COBLL1: variants seen among roughly 807,000 people sequenced by gnomAD.
COBLL1 encodes cordon-bleu WH2 repeat protein like 1.
Under a neutral mutation model 94.8 loss-of-function variants are expected in COBLL1, and 50 were observed. That is an observed-to-expected ratio of 0.53 (90% CI 0.42 to 0.67). The LOEUF (loss-of-function observed/expected upper bound fraction) is 0.67, where lower values mean the gene tolerates loss of function less well. Ranked by LOEUF, COBLL1 falls within the 30% of genes least tolerant of loss-of-function variation. COBLL1 has a pLI of 0.00. For synonymous variants in COBLL1, 448 were observed against 473.8 expected (o/e 0.95, Z 0.71); for missense variants, 1,362 against 1,348.7 (o/e 1.01, Z -0.15).
At chr2:164,742,093 C>G (rs908246894) in intron 3 of COBLL1, among the ~76,000 whole-genome samples, 5 of 151,810 alleles carry the variant, frequency 3.3e-5, no homozygotes, top group African/African-American at 1.2e-4. Flanking sequence ...AAAGTTAACT[C>G]GGGGTGGCAT....
chr2:164,717,911 G>T (rs1401130268), intron 7 of COBLL1, among the ~76,000 whole-genome samples: 1 of 152,084 alleles, frequency 6.6e-6, no homozygotes, highest in Non-Finnish European at 1.5e-5. Flanking sequence ...TATGCATTAT[G>T]CAATGTACAG....
chr2:164,671,714 C>A (rs1396445077), intron 1 of COBLL1, among the ~76,000 whole-genome samples: 1 of 151,606 alleles, frequency 6.6e-6, no homozygotes, highest in Non-Finnish European at 1.5e-5. Flanking sequence ...TACTGAAGCA[C>A]GTTATGAAGA....
At chr2:164,780,439 TC>T (rs1423181864) in intron 2 of COBLL1, among the ~76,000 whole-genome samples, 1 of 152,178 alleles carries the variant, frequency 6.6e-6, no homozygotes, top group Non-Finnish European at 1.5e-5. Context: ...AGACATATGT[TC>T]TTTTTTTTTA....
chr2:164,752,468 G>GA, intron 2 of COBLL1, among the ~76,000 whole-genome samples: 1 of 148,732 alleles, frequency 6.7e-6, no homozygotes, highest in South Asian at 2.1e-4. Context: ...TAGTGAAGGA[G>GA]AAAAAAATAT....
chr2:164,722,138 T>C lies in COBLL1; in HGVS notation c.933A>G (p.Ala311=), dbSNP rs1171465153. ...PASQSVPQDL[A]HIQERPASCI... ...AAGAAGCAGGCCTCTCCTGGATGTG[T>C]GCAAGGTCTTGGGGGACACTCTGAG... is the stretch of plus-strand genomic sequence containing the variant. Residue 311 remains alanine (A), a synonymous_variant, in exon 7 of 14, where the codon GCA becomes GCG. Transcript: ENST00000652658. The C allele has an allele frequency of 6.2e-7, 1 of 1,614,062 alleles. No individual in the cohort carries two copies. Among genetic ancestry groups the C allele is most frequent in the Non-Finnish European group, 8.5e-7 (1 of 1,179,966 alleles).
rs188406630 is a variant in COBLL1 at position 164,817,834 on chromosome 2, C to A, written c.41+23322G>T. ...GGCCTTGCCATAGGTAATATCATAT[C>A]ACTGGGCTATTTCTATCTCCCAATT... On this transcript the variant is annotated intron_variant, in intron 2 of 13. Coordinates refer to ENST00000652658, the MANE Select transcript of COBLL1 (RefSeq NM_001365672.2). Among the ~76,000 whole-genome samples the A allele has an allele frequency of 3.9e-5, 6 of 152,262 alleles. No homozygotes were observed. In the East Asian group the frequency reaches 1.2e-3, roughly 29 times the overall value.
chr2:164,702,360 GA>G lies in COBLL1; in HGVS notation c.1226-1605del, dbSNP rs573429226. 1.6e-3 allele frequency among the ~76,000 whole-genome samples: 239 copies of G among 151,634 alleles called. 1 individual carries two copies. Among genetic ancestry groups the G allele is most frequent in the African/African-American group, 5.7e-3 (234 of 41,354 alleles). ...GGGCGGATCACAAGGTCAGGAGATC[GA>G]GACCATCCTGGCCAACATAGTGAAA... On this transcript the variant is annotated intron_variant, in intron 9 of 13. Coordinates refer to ENST00000652658, the MANE Select transcript of COBLL1 (RefSeq NM_001365672.2).
At chr2:164,670,000 G>A (rs139659744) in intron 1 of COBLL1, among the ~76,000 whole-genome samples, 6 of 152,198 alleles carry the variant, frequency 3.9e-5, no homozygotes, top group East Asian at 1.9e-4. Flanking sequence ...TGTCATTGCC[G>A]CTCCTTGAAC....
intron 13 of COBLL1, among the ~76,000 whole-genome samples, chr2:164,690,037 T>A: frequency 6.6e-6 from 1 of 152,332 alleles, no homozygotes; most frequent in Non-Finnish European, 1.5e-5. Context: ...TTGATGGCTA[T>A]ATGACAGTCC....
At chr2:164,716,863 G>A (rs892742602) in intron 7 of COBLL1, among the ~76,000 whole-genome samples, 3 of 152,038 alleles carry the variant, frequency 2.0e-5, no homozygotes, top group Non-Finnish European at 4.4e-5. Context: ...ATTAAATATA[G>A]ACAGCCAAAA....
At chr2:164,804,832 G>A (rs913001476) in intron 2 of COBLL1, among the ~76,000 whole-genome samples, 1 of 152,046 alleles carries the variant, frequency 6.6e-6, no homozygotes, top group Non-Finnish European at 1.5e-5. Context: ...AGCTCAAATC[G>A]ACCTCTCCTC....
At chr2:164,760,946 G>A (rs890143876) in intron 2 of COBLL1, among the ~76,000 whole-genome samples, 11 of 152,174 alleles carry the variant, frequency 7.2e-5, no homozygotes, top group African/African-American at 2.6e-4. Flanking sequence ...TAAAGGCAAA[G>A]ATATTGGAAA....
At position 164,778,904 on chromosome 2, in the gene COBLL1, G is replaced by C. The variant is rs537124090; in HGVS notation, c.42-35029C>G. Among the ~76,000 whole-genome samples the C allele has an allele frequency of 2.6e-5, 4 of 152,230 alleles. No homozygotes were observed. The South Asian group carries it at 8.3e-4, about 32-fold the overall frequency. ...CGAGTCACAGGTTAACAAAAGGGGA[G>C]GGGGAAGACCAGGAGAAATCCCAGT... is the stretch of plus-strand genomic sequence containing the variant. On this transcript the variant is annotated intron_variant, in intron 2 of 13. Coordinates refer to ENST00000652658, the MANE Select transcript of COBLL1 (RefSeq NM_001365672.2).
chr2:164,709,659 G>C (rs2105468315), intron 7 of COBLL1, among the ~76,000 whole-genome samples: 1 of 152,222 alleles, frequency 6.6e-6, no homozygotes, highest in South Asian at 2.1e-4. Flanking sequence ...TGGAGGTGCA[G>C]TAAGCCAAGA....
At chr2:164,823,865 C>T (rs911725780) in intron 2 of COBLL1, among the ~76,000 whole-genome samples, 3 of 152,008 alleles carry the variant, frequency 2.0e-5, no homozygotes, top group African/African-American at 4.8e-5. Context: ...TTCACCCAAA[C>T]GGAAAACTTT....
At chr2:164,745,877 C>T (rs2105569042) in intron 2 of COBLL1, among the ~76,000 whole-genome samples, 1 of 152,154 alleles carries the variant, frequency 6.6e-6, no homozygotes, top group African/African-American at 2.4e-5. Flanking sequence ...GATGAGAAAT[C>T]AGCGAATCGA....
intron 3 of COBLL1, among the ~76,000 whole-genome samples, chr2:164,734,676 A>C (rs1686205917): frequency 6.6e-6 from 1 of 152,180 alleles, no homozygotes; most frequent in Non-Finnish European, 1.5e-5. Context: ...GATTGAAGCT[A>C]ATGCAGAAAG....
In COBLL1 at chr2:164,743,713, A is replaced by AATTT; in HGVS notation, c.203_204insAAAT (p.Ile69AsnfsTer11). 6.2e-7 allele frequency: 1 copy of AATTT among 1,613,548 alleles called. No homozygotes were observed. Among genetic ancestry groups the AATTT allele is most frequent in the South Asian group, 1.1e-5 (1 of 91,054 alleles). On this transcript the variant is annotated frameshift_variant, in exon 3 of 14. Transcript: ENST00000652658. LOFTEE classifies it high-confidence loss of function. ...TGCCATGAACAGTAGTAGATTTGAT[A>AATTT]ATATCCCCAGGTAGGACCACTGAGA...
At chr2:164,822,472 T>G (rs1044503300) in intron 2 of COBLL1, among the ~76,000 whole-genome samples, 1 of 152,136 alleles carries the variant, frequency 6.6e-6, no homozygotes, top group Non-Finnish European at 1.5e-5. Flanking sequence ...TCTGGGTTGT[T>G]GGCTATTCCC....
Sources: allele counts gnomAD v4.1 joint callset (sites outside exome capture counted in the v4.1 genomes callset), GRCh38; gene constraint gnomAD v4.1.1; transcripts MANE v1.5; gene names NCBI Gene and HGNC (gene_info 2026-07-23, HGNC 2026-07-21).